SLC37A2: variants seen among roughly 807,000 people sequenced by gnomAD.
SLC37A2 encodes glucose-6-phosphate exchanger SLC37A2.
SLC37A2 carries 59 observed loss-of-function variants against 70.7 expected under a neutral mutation model. The ratio of observed to expected loss-of-function variants is 0.83; its 90% CI spans 0.68 to 1.04. The LOEUF is 1.04. Among genes scored for constraint, SLC37A2 ranks in the 50% least tolerant of loss-of-function variants. The pLI is 0.00. For synonymous variants in SLC37A2, 257 were observed against 262.1 expected (o/e 0.98, Z 0.19); for missense variants, 580 against 658.1 (o/e 0.88, Z 1.30).
Position 125,084,307 on chromosome 11 carries a change from G to T in SLC37A2, c.1113G>T (p.Leu371Phe), listed in dbSNP as rs1035763392. The change falls in exon 12 of 18, where the codon TTG (leucine) becomes TTT (phenylalanine). Residue 371 changes from leucine (L) to phenylalanine (F), a missense_variant. Physicochemically the swap from Leu to Phe is conservative, Grantham distance 22. Transcript: ENST00000403796. ...CCACTTGCTGTGTCATGCTCATCTT[G>T]GCTGCCCCCATGGTGCGTATAACCC... ...RATTCCVMLI[L>F]AAPMMFLYNY... 1.2e-6 allele frequency: 2 copies of T among 1,614,130 alleles called. No individual in the cohort carries two copies. The highest frequency in any genetic ancestry group is 1.7e-6 in the Non-Finnish European group (2 of 1,180,048).
chr11:125,071,427 C>T (rs1477806721), intron 1 of SLC37A2, among the ~76,000 whole-genome samples: 2 of 152,246 alleles, frequency 1.3e-5, no homozygotes, highest in East Asian at 3.8e-4. Context: ...AGGCTGTCTT[C>T]ATTCTGCCTG....
At chr11:125,069,614 T>A (rs754614432) in intron 1 of SLC37A2, among the ~76,000 whole-genome samples, 1 of 152,190 alleles carries the variant, frequency 6.6e-6, no homozygotes, top group African/African-American at 2.4e-5. Flanking sequence ...CTGGAGGTGT[T>A]CTGAGCAGAG....
intron 14 of SLC37A2, 104 bp from the exon 15 acceptor site, chr11:125,085,291 C>A (rs1002386021): frequency 4.5e-6 from 6 of 1,331,580 alleles, no homozygotes; most frequent in Admixed American, 1.9e-5. Context: ...TCCTCTCAAG[C>A]CCAAACCCCA....
chr11:125,089,958 C>T lies in SLC37A2; in HGVS notation c.*1824C>T, dbSNP rs1021129579. On this transcript the variant is annotated 3_prime_UTR_variant, in exon 18 of 18. Coordinates refer to ENST00000403796, the MANE Select transcript of SLC37A2 (RefSeq NM_001145290.2). ...TCCACTAGGTGAAGCCAGCTGGGCT[C>T]CTGAGTCTGATGGGGACGTGGAGAG... The T allele has an allele frequency of 6.5e-6, 1 of 154,010 alleles. No homozygotes were observed. Among genetic ancestry groups the T allele is most frequent in the African/African-American group, 2.4e-5 (1 of 41,510 alleles). The allele number at this position is 154,010 out of a possible 1,614,324, so 9.5% of individuals were successfully genotyped here.
Position 125,085,081 on chromosome 11 carries a change from G to T in SLC37A2, c.1190G>T (p.Cys397Phe). Residue 397 changes from cysteine to phenylalanine, a missense_variant, in exon 14 of 18, where the codon TGT (cysteine) becomes TTT (phenylalanine). Cys to Phe is a radical substitution (Grantham distance 205). Coordinates refer to ENST00000403796, the MANE Select transcript of SLC37A2 (RefSeq NM_001145290.2). ...GCTGTCCCAGTGATGCTGATCATCT[G>T]TGGGGGCCTGGTCAATGGCCCATAC... ...IASSIVMLII[C>F]GGLVNGPYAL... 6.2e-7 allele frequency: 1 copy of T among 1,614,098 alleles called. No homozygotes were observed. The highest frequency in any genetic ancestry group is 1.1e-5 in the South Asian group (1 of 91,086).
In SLC37A2 at chr11:125,088,146, G is replaced by C. The variant is rs747103775; in HGVS notation, c.*12G>C. ...ATAAAGAAATATGAGGCCCCAATTG[G>C]AACAGCAGCATGGAGGGTCCCAGTT... On this transcript the variant is annotated 3_prime_UTR_variant, in exon 18 of 18. Transcript: ENST00000403796. The C allele has an allele frequency of 3.9e-6, 6 of 1,551,582 alleles. No individual in the cohort carries two copies. The African/African-American group carries it at 8.2e-5, about 21-fold the overall frequency.
intron 1 of SLC37A2, among the ~76,000 whole-genome samples, chr11:125,066,837 A>G (rs116075340): frequency 0.028 from 4,297 of 152,296 alleles, 200 homozygotes; most frequent in African/African-American, 0.098. Flanking sequence ...TAAGCTTAAC[A>G]TAAGTTCTAA....
At chr11:125,075,486 G>A (rs1007881607) in intron 1 of SLC37A2, among the ~76,000 whole-genome samples, 15 of 151,974 alleles carry the variant, frequency 9.9e-5, no homozygotes, top group Non-Finnish European at 1.6e-4. Context: ...AGGCCGGGGC[G>A]TGGAGCTGCC....
intron 1 of SLC37A2, among the ~76,000 whole-genome samples, chr11:125,072,218 C>T (rs1949036187): frequency 6.6e-6 from 1 of 152,054 alleles, no homozygotes; most frequent in Non-Finnish European, 1.5e-5. Flanking sequence ...TTGATTTTTA[C>T]CCCAGAAGCA....
At chr11:125,075,175 G>C (rs1188525245) in intron 1 of SLC37A2, among the ~76,000 whole-genome samples, 1 of 152,228 alleles carries the variant, frequency 6.6e-6, no homozygotes, top group Non-Finnish European at 1.5e-5. Context: ...CCCAGGCGGG[G>C]CTTGGTGGCT....
rs754594300 is a variant in SLC37A2 at position 125,084,854 on chromosome 11, C to T, written c.1155C>T (p.Asp385=). Residue 385 remains aspartate (D), a synonymous_variant, in exon 13 of 18, where the codon GAC becomes GAT. Transcript: ENST00000403796. The part of the protein sequence containing the change: ...MMFLYNYIGQ[D]GIASSIVMLI... ...TCCTGTACAACTACATTGGCCAGGA[C>T]GGGATTGCCAGCTCCATAGGTGAGG... 1.5e-4 allele frequency: 249 copies of T among 1,613,706 alleles called. 2 individuals are homozygous for T. The Admixed American group carries it at 2.9e-3, about 19-fold the overall frequency.
intron 9 of SLC37A2, 77 bp from the exon 10 acceptor site, chr11:125,082,164 GTGC>G (rs1231695953): frequency 7.3e-7 from 1 of 1,371,996 alleles, no homozygotes; most frequent in Non-Finnish European, 1.0e-6. Context: ...TACTGGGGTG[GTGC>G]TGAGCACCCC....
chr11:125,086,030 G>A lies in SLC37A2; in HGVS notation c.1490+12G>A. The A allele has an allele frequency of 1.9e-6, 3 of 1,612,154 alleles. No individual in the cohort carries two copies. Among genetic ancestry groups the A allele is most frequent in the Non-Finnish European group, 2.5e-6 (3 of 1,178,176 alleles). ...AGCAGAGGCAGCGGGTGAGTCCGGG[G>A]AGCTGAAGCTGCCCCTCTACCAACC... On this transcript the variant is annotated intron_variant, in intron 17 of 17. Transcript: ENST00000403796.
At chr11:125,074,342 C>T (rs758688745) in intron 1 of SLC37A2, among the ~76,000 whole-genome samples, 11 of 151,984 alleles carry the variant, frequency 7.2e-5, no homozygotes, top group African/African-American at 2.2e-4. Flanking sequence ...CTGACCTGTG[C>T]GCCCAGGCAG....
rs1368340959 is a variant in SLC37A2, at chr11:125,083,781, C to T, written c.977-34C>T. 3.1e-6 allele frequency: 5 copies of T among 1,596,682 alleles called. No individual in the cohort carries two copies. The highest frequency in any genetic ancestry group is 4.3e-6 in the Non-Finnish European group (5 of 1,164,118). ...ACACTCCAGGATGTTTGCCCCAAAC[C>T]CCAGGTCTGACCACATACCTGTATT... On this transcript the variant is annotated intron_variant, in intron 10 of 17. Coordinates refer to ENST00000403796, the MANE Select transcript of SLC37A2 (RefSeq NM_001145290.2). The surrounding 1 kb of genome is among the most constrained non-coding windows in gnomAD (Gnocchi z 4.6).
At position 125,080,155 on chromosome 11, in the gene SLC37A2, C is replaced by T. The variant is rs559018139; in HGVS notation, c.527+395C>T. On this transcript the variant is annotated intron_variant, in intron 6 of 17. Coordinates refer to ENST00000403796, the MANE Select transcript of SLC37A2 (RefSeq NM_001145290.2). The surrounding 1 kb of genome is among the most constrained non-coding windows in gnomAD (Gnocchi z 4.3). The stretch of plus-strand genomic sequence containing the variant: ...TATTGGACCCTTGTTTGGGGACTGT[C>T]CTACCACTGCAGGCTGTTTAGTAGT... Among the ~76,000 whole-genome samples the T allele has an allele frequency of 6.6e-6, 1 of 152,266 alleles. No individual in the cohort carries two copies. The highest frequency in any genetic ancestry group is 1.5e-5 in the Non-Finnish European group (1 of 68,028).
Position 125,085,606 on chromosome 11 carries a change from C to T in SLC37A2, c.1357C>T (p.Leu453Phe). ...GAALGPLLAG[L>F]ISPTGWNNVF... ...GGCTCTGGGGCCTCTGCTGGCTGGGCTCATCTCCCCCACGGGCTGGAACAA... is the reference window on the plus strand; with the variant it reads ...GGCTCTGGGGCCTCTGCTGGCTGGGTTCATCTCCCCCACGGGCTGGAACAA... Residue 453 changes from leucine to phenylalanine, a missense_variant, in exon 16 of 18, where the codon CTC (leucine) becomes TTC (phenylalanine). Transcript: ENST00000403796. 1 of 1,613,870 alleles carries T rather than the reference C, an allele frequency of 6.2e-7. No individual in the cohort carries two copies. Among genetic ancestry groups the T allele is most frequent in the Non-Finnish European group, 8.5e-7 (1 of 1,180,022 alleles).
chr11:125,073,620 TG>T (rs1949051906), intron 1 of SLC37A2, among the ~76,000 whole-genome samples: 2 of 152,244 alleles, frequency 1.3e-5, no homozygotes, highest in Admixed American at 6.5e-5. Flanking sequence ...TCAATAGGTC[TG>T]AGAAAGGTGA....
At position 125,077,526 on chromosome 11, in the gene SLC37A2, C is replaced by A. The variant is rs935517753; in HGVS notation, c.312C>A (p.Ile104=). ...TCGCCTATGCCATCGGCATGTTCAT[C>A]AGGTAAGGACAGAGGCTGAGCCTAT... ...FLIAYAIGMF[I]SGVFGERLPL... The change falls in exon 4 of 18, where the codon ATC becomes ATA. Residue 104 remains isoleucine (I), a splice_region_variant and synonymous_variant. Coordinates refer to ENST00000403796, the MANE Select transcript of SLC37A2 (RefSeq NM_001145290.2). The A allele has an allele frequency of 2.5e-6, 4 of 1,612,442 alleles. No individual in the cohort carries two copies. Among genetic ancestry groups the A allele is most frequent in the Non-Finnish European group, 3.4e-6 (4 of 1,178,902 alleles).
Sources: allele counts gnomAD v4.1 joint callset (sites outside exome capture counted in the v4.1 genomes callset), GRCh38; gene constraint gnomAD v4.1.1; non-coding constraint Gnocchi (gnomAD v3.1); transcripts MANE v1.5; gene names NCBI Gene and HGNC (gene_info 2026-07-23, HGNC 2026-07-21).